Variants in GALNT13 observed in about 807,000 individuals in gnomAD.
The protein encoded by GALNT13 is UDP-GalNAc:polypeptide N-acetylgalactosaminyltransferase 13.
A neutral mutation model predicts 64.2 loss-of-function variants in GALNT13; 28 were observed. The observed-to-expected ratio is 0.44, with a 90% CI of 0.32 to 0.60. The LOEUF (loss-of-function observed/expected upper bound fraction) is 0.60, where lower values mean the gene tolerates loss of function less well. Among genes scored for constraint, GALNT13 ranks in the 20% least tolerant of loss-of-function variants. GALNT13 has a pLI of 0.05. For missense variants in GALNT13, 577 were observed against 669.8 expected (o/e 0.86, Z 1.53); for synonymous variants, 214 against 224.6 (o/e 0.95, Z 0.42).
chr2:153,920,254 A>G (rs1276910375), intron 2 of GALNT13, among the ~76,000 whole-genome samples: 1 of 151,998 alleles, frequency 6.6e-6, no homozygotes, highest in Non-Finnish European at 1.5e-5. Context: ...TACAGTAATC[A>G]AAACAGGATG....
At chr2:153,661,509 A>G in the GALNT13 span, among the ~76,000 whole-genome samples, 2 of 152,176 alleles carry the variant, frequency 1.3e-5, no homozygotes, top group Non-Finnish European at 2.9e-5. Context: ...ACTAATTGTA[A>G]GAAGAAAAAC....
the GALNT13 span, among the ~76,000 whole-genome samples, chr2:153,332,482 G>A: frequency 0.27 from 40,243 of 149,382 alleles, 6,602 homozygotes; most frequent in Non-Finnish European, 0.38. Flanking sequence ...TGTTTATGGG[G>A]TTATTCTTGA....
intron 10 of GALNT13, among the ~76,000 whole-genome samples, chr2:154,406,092 A>G (rs371767051): frequency 2.6e-5 from 4 of 152,140 alleles, no homozygotes; most frequent in African/African-American, 2.4e-5. Flanking sequence ...ACTCAAGACT[A>G]TTGTTCCTGG....
the GALNT13 span, among the ~76,000 whole-genome samples, chr2:153,462,114 T>A: frequency 1.3e-5 from 2 of 152,094 alleles, no homozygotes; most frequent in African/African-American, 4.8e-5. Context: ...CACTTTTTTT[T>A]TTCCTAGAAG....
At chr2:153,412,196 C>G in the GALNT13 span, among the ~76,000 whole-genome samples, 11 of 152,096 alleles carry the variant, frequency 7.2e-5, no homozygotes, top group Middle Eastern at 6.8e-3. Flanking sequence ...TATATTTATC[C>G]TATTATTTCT....
chr2:153,152,077 CT>C, the GALNT13 span, among the ~76,000 whole-genome samples: 36 of 152,080 alleles, frequency 2.4e-4, no homozygotes, highest in Admixed American at 8.5e-4. Flanking sequence ...AATCTGCTTT[CT>C]GGGGAGAGCT....
the GALNT13 span, among the ~76,000 whole-genome samples, chr2:153,827,650 G>C: frequency 6.7e-6 from 1 of 149,768 alleles, no homozygotes; most frequent in Non-Finnish European, 1.5e-5. Context: ...AAAACGATTT[G>C]GGTGGGAACA....
the GALNT13 span, among the ~76,000 whole-genome samples, chr2:153,677,153 A>T: frequency 6.6e-6 from 1 of 152,050 alleles, no homozygotes; most frequent in Non-Finnish European, 1.5e-5. Context: ...AAAGGCCCCT[A>T]GATGTGGTAA....
At chr2:154,341,856 A>G (rs1695789889) in intron 9 of GALNT13, among the ~76,000 whole-genome samples, 1 of 152,152 alleles carries the variant, frequency 6.6e-6, no homozygotes, top group South Asian at 2.1e-4. Context: ...GTGAGAGATT[A>G]TGATAATAGT....
chr2:153,988,950 T>C (rs1427298399), intron 3 of GALNT13, among the ~76,000 whole-genome samples: 4 of 151,924 alleles, frequency 2.6e-5, no homozygotes, highest in East Asian at 3.9e-4. Flanking sequence ...TGAATTTAAA[T>C]TGAACCTTAA....
the GALNT13 span, among the ~76,000 whole-genome samples, chr2:153,617,468 T>C: frequency 1.9e-4 from 29 of 152,106 alleles, no homozygotes; most frequent in African/African-American, 6.5e-4. Context: ...CTTTCTAGTA[T>C]TTTGTTGATG....
the GALNT13 span, among the ~76,000 whole-genome samples, chr2:153,437,744 G>A: frequency 6.6e-6 from 1 of 152,084 alleles, no homozygotes; most frequent in African/African-American, 2.4e-5. Context: ...TGGGTTTCCT[G>A]AATACGGCAC....
At chr2:153,647,583 G>A in the GALNT13 span, among the ~76,000 whole-genome samples, 1 of 152,140 alleles carries the variant, frequency 6.6e-6, no homozygotes, top group Admixed American at 6.5e-5. Context: ...TTCTTCTAGG[G>A]TTTTTATGGT....
chr2:154,311,043 G>A (rs889641125), intron 9 of GALNT13, among the ~76,000 whole-genome samples: 2 of 151,122 alleles, frequency 1.3e-5, no homozygotes, highest in Non-Finnish European at 2.9e-5. Flanking sequence ...TAGATCAATG[G>A]ATATGTAGAT....
At chr2:153,540,509 G>A in the GALNT13 span, among the ~76,000 whole-genome samples, 4 of 152,168 alleles carry the variant, frequency 2.6e-5, no homozygotes, top group East Asian at 7.7e-4. Flanking sequence ...TGTGAGGAGA[G>A]GGCCACCATC....
chr2:154,087,583 A>G (rs1337904136), intron 3 of GALNT13, among the ~76,000 whole-genome samples: 2 of 152,128 alleles, frequency 1.3e-5, no homozygotes, highest in East Asian at 3.9e-4. Flanking sequence ...CTTTATTCTT[A>G]TAAAGCACAA....
chr2:153,136,056 T>C, the GALNT13 span, among the ~76,000 whole-genome samples: 8 of 152,214 alleles, frequency 5.3e-5, no homozygotes, highest in East Asian at 1.4e-3. Flanking sequence ...ACTTCTCTCT[T>C]ATTGAAAGCT....
intron 3 of GALNT13, among the ~76,000 whole-genome samples, chr2:153,993,440 A>T (rs912504240): frequency 6.6e-6 from 1 of 152,106 alleles, no homozygotes; most frequent in African/African-American, 2.4e-5. Flanking sequence ...TCACACCTGT[A>T]ATCCCAGCAC....
At chr2:154,332,803 A>G (rs548249523) in intron 9 of GALNT13, among the ~76,000 whole-genome samples, 75 of 152,270 alleles carry the variant, frequency 4.9e-4, no homozygotes, top group Non-Finnish European at 7.8e-4. Context: ...AAAAGCCATC[A>G]GTTTTCTTAT....
Sources: gnomAD v4.1 joint callset for allele counts (sites outside exome capture counted in the v4.1 genomes callset) on GRCh38, gnomAD v4.1.1 for gene constraint, MANE v1.5 for transcripts, NCBI Gene and HGNC (gene_info 2026-07-23, HGNC 2026-07-21) for gene names.